The following MYL2 variants were observed in gnomAD, a reference collection of about 807,000 sequenced individuals.
MYL2 encodes the protein myosin regulatory light chain 2, ventricular/cardiac muscle isoform.
In MYL2, 19 loss-of-function variants were observed where a neutral mutation model predicts 23.0. The observed-to-expected ratio is 0.83, with a 90% confidence interval of 0.58 to 1.21. The LOEUF (loss-of-function observed/expected upper bound fraction) is 1.21. Among genes scored for constraint, MYL2 ranks in the 50% most tolerant of loss-of-function variants. The pLI is 0.00. For synonymous variants in MYL2, 78 were observed against 76.2 expected (o/e 1.02, Z -0.13); for missense variants, 180 against 215.1 (o/e 0.84, Z 1.02).
chr12:110,921,092 C>A (rs769775187), upstream of MYL2, among the ~76,000 whole-genome samples: 1 of 152,214 alleles, frequency 6.6e-6, no homozygotes, highest in Non-Finnish European at 1.5e-5. Context: ...GGCACTGTGG[C>A]TCATGCCTGA....
chr12:110,913,151 A>C lies in MYL2; in HGVS notation c.354-7T>G. On this transcript the variant is annotated splice_region_variant and splice_polypyrimidine_tract_variant and intron_variant, in intron 5 of 6. Coordinates refer to ENST00000228841, the MANE Select transcript of MYL2 (RefSeq NM_000432.4). ...GGTCAGCATTTCCCGAACGCTGCAG[A>C]GAAAGGAAAGCAGGTGTTGGTGTCA... 6.2e-7 allele frequency: 1 copy of C among 1,614,244 alleles called. No homozygotes were observed. Among genetic ancestry groups the C allele is most frequent in the Non-Finnish European group, 8.5e-7 (1 of 1,180,038 alleles).
rs199567559 is a variant in MYL2 at position 110,911,145 on chromosome 12, C to A, written c.433G>T (p.Asp145Tyr). The change falls in exon 7 of 7, where the codon GAC becomes TAC. Residue 145 changes from aspartate to tyrosine, a missense_variant. Coordinates refer to ENST00000228841, the MANE Select transcript of MYL2 (RefSeq NM_000432.4). Reference sequence around the variant, plus strand: ...TTGTAGTCCAAGTTGCCAGTCACGTCAGGGGGGAAGGCGGCGAACATCTGG... The same window carrying A: ...TTGTAGTCCAAGTTGCCAGTCACGTAAGGGGGGAAGGCGGCGAACATCTGG... ...VDQMFAAFPP[D>Y]VTGNLDYKNL... is the part of the protein sequence containing the mutation. 1 of 1,612,394 alleles carries A rather than the reference C, an allele frequency of 6.2e-7. No individual in the cohort carries two copies. Among genetic ancestry groups the A allele is most frequent in the Non-Finnish European group, 8.5e-7 (1 of 1,179,564 alleles).
At chr12:110,913,923 T>C (rs2071671292) in intron 4 of MYL2, among the ~76,000 whole-genome samples, 1 of 152,064 alleles carries the variant, frequency 6.6e-6, no homozygotes, top group Non-Finnish European at 1.5e-5. Context: ...TGGCTAATTT[T>C]TTTGTGTGTT....
chr12:110,915,842 G>T (rs776854150), intron 2 of MYL2, 52 bp from the exon 3 acceptor site: 18 of 1,519,962 alleles, frequency 1.2e-5, no homozygotes, highest in Non-Finnish European at 1.6e-5. Flanking sequence ...TGGCAGAGTT[G>T]CCCAAGAGAT....
chr12:110,914,609 C>A (rs891980367), intron 3 of MYL2, among the ~76,000 whole-genome samples: 10 of 152,150 alleles, frequency 6.6e-5, no homozygotes, highest in Non-Finnish European at 1.5e-5. Context: ...ACCTCCGCCT[C>A]CCAGGTTCAA....
upstream of MYL2, chr12:110,920,671 A>G (rs1249368152): frequency 6.6e-6 from 8 of 1,218,836 alleles, no homozygotes; most frequent in Non-Finnish European, 9.6e-6. Context: ...TGAGGCGGGC[A>G]CCACCTAAGG....
intron 1 of MYL2, 78 bp from the exon 2 acceptor site, chr12:110,919,271 G>A (rs2071705711): frequency 8.5e-7 from 1 of 1,182,656 alleles, no homozygotes; most frequent in African/African-American, 1.5e-5. Flanking sequence ...CTCTGGGTGT[G>A]TTCATCTCTG....
chr12:110,911,350 G>A lies in MYL2; in HGVS notation c.403-175C>T, dbSNP rs369557164. Among the ~76,000 whole-genome samples, 62 of 152,176 alleles carry A rather than the reference G, an allele frequency of 4.1e-4. 1 individual carries two copies. The South Asian group carries it at 0.012, about 28-fold the overall frequency. On this transcript the variant is annotated intron_variant, in intron 6 of 6. Coordinates refer to ENST00000228841, the MANE Select transcript of MYL2 (RefSeq NM_000432.4). ...TCCCCAGCTGCTGCAGGGCCCCCTC[G>A]CCCAAGGTCATGCCCTTTCTGGGGC...
In MYL2 at chr12:110,920,556, C is replaced by A; in HGVS notation, c.-27G>T. On this transcript the variant is annotated 5_prime_UTR_variant, in exon 1 of 7. Coordinates refer to ENST00000228841, the MANE Select transcript of MYL2 (RefSeq NM_000432.4). The stretch of plus-strand genomic sequence containing the variant: ...GTGGAAAGGACCCAGCACTGCCTCC[C>A]GAGAAGAATTCCACACTCCGCCCAG... 6.2e-7 allele frequency: 1 copy of A among 1,614,102 alleles called. No individual in the cohort carries two copies.
chr12:110,914,425 A>T, intron 3 of MYL2, 135 bp from the exon 4 acceptor site: 1 of 713,674 alleles, frequency 1.4e-6, no homozygotes, highest in Non-Finnish European at 2.6e-6. Context: ...ATGGAGGCAA[A>T]GATCTTTTCT....
At position 110,918,736 on chromosome 12, in the gene MYL2, A is replaced by G. The variant is rs944172236; in HGVS notation, c.93+368T>C. On this transcript the variant is annotated intron_variant, in intron 2 of 6. Transcript: ENST00000228841. The surrounding 1 kb of genome is among the most constrained non-coding windows in gnomAD (Gnocchi z 4.4). ...ATGCAGGTGTAATCAGTGGGCACAG[A>G]AGATTATAATTTTGTTTAATAAATA... 6 of 195,202 alleles carry G rather than the reference A, an allele frequency of 3.1e-5. No individual in the cohort carries two copies. The highest frequency in any genetic ancestry group is 1.4e-4 in the African/African-American group (6 of 42,366). 12.1% of individuals were successfully genotyped at this position (195,202 alleles called of 1,614,324 possible).
chr12:110,917,720 G>T (rs2071696396), intron 2 of MYL2, among the ~76,000 whole-genome samples: 2 of 152,142 alleles, frequency 1.3e-5, no homozygotes, highest in African/African-American at 4.8e-5. Flanking sequence ...CAATCTGAAT[G>T]TTAGTGAGGA....
chr12:110,920,670 C>T (rs1009652184), upstream of MYL2: 21 of 1,279,822 alleles, frequency 1.6e-5, no homozygotes, highest in Admixed American at 2.7e-4. Flanking sequence ...GTGAGGCGGG[C>T]ACCACCTAAG....
chr12:110,913,178 T>TTG lies in MYL2; in HGVS notation c.354-36_354-35dup, dbSNP rs756781758. 13 of 1,610,434 alleles carry TTG rather than the reference T, an allele frequency of 8.1e-6. No homozygotes were observed. In the East Asian group the frequency reaches 8.9e-5, roughly 11 times the overall value. On this transcript the variant is annotated intron_variant, in intron 5 of 6. Coordinates refer to ENST00000228841, the MANE Select transcript of MYL2 (RefSeq NM_000432.4). ...AAAGGAAAGCAGGTGTTGGTGTCAG[T>TTG]TGTGTGTGTGTAGGGGGGACAGGGG...
At chr12:110,921,352 C>A (rs1369876268), upstream of MYL2, among the ~76,000 whole-genome samples, 1 of 152,324 alleles carries the variant, frequency 6.6e-6, no homozygotes, top group East Asian at 1.9e-4. Flanking sequence ...CAGAGCAAGA[C>A]CCTGTCTCAA....
At chr12:110,914,036 GC>G (rs1417434823) in intron 4 of MYL2, 149 bp downstream of exon 4, 6 of 694,470 alleles carry the variant, frequency 8.6e-6, no homozygotes, top group Non-Finnish European at 1.5e-5. Context: ...GGGATTACAG[GC>G]ATCAGCCACT....
chr12:110,911,158 G>T lies in MYL2; in HGVS notation c.420C>A (p.Ala140=), dbSNP rs369489428. The change falls in exon 7 of 7, where the codon GCC becomes GCA. Residue 140 remains alanine (A), a synonymous_variant. Coordinates refer to ENST00000228841, the MANE Select transcript of MYL2 (RefSeq NM_000432.4). ...FSKEEVDQMF[A]AFPPDVTGNL... is the part of the protein sequence containing the mutation. ...TGCCAGTCACGTCAGGGGGGAAGGC[G>T]GCGAACATCTGGTCAACCTGCAATG... is the stretch of plus-strand genomic sequence containing the variant. The T allele has an allele frequency of 2.1e-5, 34 of 1,613,408 alleles. No homozygotes were observed. The highest frequency in any genetic ancestry group is 2.9e-5 in the Non-Finnish European group (34 of 1,179,836).
rs956310068 is a variant in MYL2 at position 110,918,960 on chromosome 12, A to C, written c.93+144T>G. On this transcript the variant is annotated intron_variant, in intron 2 of 6. Coordinates refer to ENST00000228841, the MANE Select transcript of MYL2 (RefSeq NM_000432.4). This position sits in a 1 kb window ranked among gnomAD's most constrained non-coding sequence, Gnocchi z 4.4. Reference sequence around the variant, plus strand: ...AAAATAGTTTCTTTTAAAAATTCACACATCCGTTCAGGCCGAATTTGGGAT... The same window carrying C: ...AAAATAGTTTCTTTTAAAAATTCACCCATCCGTTCAGGCCGAATTTGGGAT... 3.5e-5 allele frequency: 23 copies of C among 656,976 alleles called. No individual in the cohort carries two copies. In the Admixed American group the frequency reaches 6.0e-4, roughly 17 times the overall value. The allele number at this position is 656,976 out of a possible 1,614,324, so 40.7% of individuals were successfully genotyped here. A position where few individuals can be genotyped will look rare whatever the true frequency, so the allele number is the denominator to read the frequency against.
chr12:110,917,332 C>T (rs977579498), intron 2 of MYL2, among the ~76,000 whole-genome samples: 15 of 151,918 alleles, frequency 9.9e-5, no homozygotes, highest in East Asian at 1.9e-4. Flanking sequence ...CAGTGGCTCA[C>T]GCCTGTAATC....
Sources: allele counts gnomAD v4.1 joint callset (sites outside exome capture counted in the v4.1 genomes callset), GRCh38; gene constraint gnomAD v4.1.1; non-coding constraint Gnocchi (gnomAD v3.1); transcripts MANE v1.5; gene names NCBI Gene and HGNC (gene_info 2026-07-23, HGNC 2026-07-21).